The following CTSO variants were observed in gnomAD, a reference collection of about 807,000 sequenced individuals.
CTSO encodes cathepsin O.
Under a neutral mutation model 42.4 loss-of-function variants are expected in CTSO, and 40 were observed. The observed-to-expected ratio is 0.94, with a 90% CI of 0.73 to 1.23. The LOEUF (loss-of-function observed/expected upper bound fraction) is 1.23. Among genes scored for constraint, CTSO ranks in the 50% most tolerant of loss-of-function variants. The pLI, the probability that CTSO is intolerant of heterozygous loss-of-function variation, is 0.00. For missense variants in CTSO, 441 were observed against 396.0 expected, an observed-to-expected ratio of 1.11 and a Z score of -0.96; for synonymous variants, 156 against 146.2, an observed-to-expected ratio of 1.07 and a Z score of -0.48.
At chr4:155,926,349 A>G (rs1743128898) in intron 7 of CTSO, among the ~76,000 whole-genome samples, 1 of 152,236 alleles carries the variant, frequency 6.6e-6, no homozygotes. Flanking sequence ...AACTGAATAA[A>G]TGAATGCATC....
chr4:155,938,901 G>C (rs768627344), intron 4 of CTSO, among the ~76,000 whole-genome samples: 38 of 152,140 alleles, frequency 2.5e-4, no homozygotes, highest in African/African-American at 8.9e-4. Context: ...AGGTTGCAGT[G>C]AGCCAAGATT....
chr4:155,951,880 CA>C (rs1225784198), intron 1 of CTSO, among the ~76,000 whole-genome samples: 6 of 152,042 alleles, frequency 3.9e-5, no homozygotes, highest in Non-Finnish European at 7.4e-5. Context: ...ACTTTCATCC[CA>C]AATCCATCCA....
intron 4 of CTSO, among the ~76,000 whole-genome samples, chr4:155,938,959 A>AAAC (rs767626290): frequency 2.0e-5 from 3 of 152,020 alleles, no homozygotes; most frequent in East Asian, 1.9e-4. Flanking sequence ...TCTGTCTCAA[A>AAAC]AACAACAACA....
chr4:155,949,764 G>A (rs1743613293), intron 1 of CTSO, among the ~76,000 whole-genome samples: 2 of 152,214 alleles, frequency 1.3e-5, no homozygotes, highest in Admixed American at 1.3e-4. Flanking sequence ...TTTCTTGGAA[G>A]ACTTAGGAGT....
At chr4:155,940,392 G>C (rs572986114) in intron 3 of CTSO, among the ~76,000 whole-genome samples, 1 of 126,138 alleles carries the variant, frequency 7.9e-6, no homozygotes, top group African/African-American at 2.6e-5. Flanking sequence ...GGCAGAGTTA[G>C]ACCAAAAAAA....
rs2110905060 is a variant in CTSO at position 155,929,570 on chromosome 4, T to C, written c.810A>G (p.Ala270=). ...TTTTATCAAACCCAGTTATGAGAAC[T>C]GCATGATTTGCTTCTCCACTAGAGC... ...HHCSSGEANH[A]VLITGFDKTG... is the part of the protein sequence containing the mutation. Residue 270 remains alanine (A), a synonymous_variant, in exon 6 of 8, where the codon GCA becomes GCG. Transcript: ENST00000433477. The C allele has an allele frequency of 6.2e-7, 1 of 1,613,702 alleles. No individual in the cohort carries two copies. Among genetic ancestry groups the C allele is most frequent in the Non-Finnish European group, 8.5e-7 (1 of 1,179,896 alleles).
At chr4:155,953,630 T>A (rs1345293856) in intron 1 of CTSO, 83 bp downstream of exon 1, 1 of 1,226,576 alleles carries the variant, frequency 8.2e-7, no homozygotes, top group African/African-American at 1.6e-5. Context: ...GGGTCAGCTC[T>A]CGGGGGCCCT....
At chr4:155,927,504 T>A (rs968824036) in intron 7 of CTSO, among the ~76,000 whole-genome samples, 1 of 152,218 alleles carries the variant, frequency 6.6e-6, no homozygotes, top group Non-Finnish European at 1.5e-5. Flanking sequence ...GCGTGGTGGC[T>A]CACGCCTGTA....
At chr4:155,932,549 C>T (rs1743255024) in intron 5 of CTSO, among the ~76,000 whole-genome samples, 1 of 152,154 alleles carries the variant, frequency 6.6e-6, no homozygotes. Context: ...CAGTTCTTTC[C>T]CTGAGCCCTT....
chr4:155,943,140 C>A lies in CTSO; in HGVS notation c.244+16G>T. 6.9e-7 allele frequency: 1 copy of A among 1,452,160 alleles called. No individual in the cohort carries two copies. Among genetic ancestry groups the A allele is most frequent in the South Asian group, 1.2e-5 (1 of 81,534 alleles). 90.0% of individuals were successfully genotyped at this position (1,452,160 alleles called of 1,614,324 possible). A position where few individuals can be genotyped will look rare whatever the true frequency, so the allele number is the denominator to read the frequency against. ...TAAAATCAGGAAACCACCTAAATAG[C>A]AACATCGGACTATACCTTTAAACTC... On this transcript the variant is annotated intron_variant, in intron 2 of 7. Coordinates refer to ENST00000433477, the MANE Select transcript of CTSO (RefSeq NM_001334.3).
intron 7 of CTSO, among the ~76,000 whole-genome samples, chr4:155,927,532 G>A (rs1167296429): frequency 6.6e-6 from 1 of 152,194 alleles, no homozygotes; most frequent in Non-Finnish European, 1.5e-5. Context: ...CACTTTGGGA[G>A]GCCAAGGAGG....
intron 4 of CTSO, among the ~76,000 whole-genome samples, chr4:155,938,851 G>A (rs111920185): frequency 3.3e-4 from 50 of 152,204 alleles, no homozygotes; most frequent in African/African-American, 1.1e-3. Context: ...CAGCTACTCC[G>A]GAGGCTGAAG....
At chr4:155,939,203 G>T (rs973135875) in intron 4 of CTSO, among the ~76,000 whole-genome samples, 168 bp downstream of exon 4, 4 of 152,144 alleles carry the variant, frequency 2.6e-5, no homozygotes, top group African/African-American at 9.7e-5. Context: ...TTGCCTAGAA[G>T]TGATTCATTT....
chr4:155,943,253 A>G lies in CTSO; in HGVS notation c.147T>C (p.Asn49=). 6.2e-7 allele frequency: 1 copy of G among 1,601,150 alleles called. No individual in the cohort carries two copies. The highest frequency in any genetic ancestry group is 8.5e-7 in the Non-Finnish European group (1 of 1,169,610). ...REAAAFRESL[N]RHRYLNSLFP... is the part of the protein sequence containing the mutation. ...ATAAAGAATTCAAGTATCGATGTCT[A>G]TTAAGACTTTCCTAGAAGAAAAACA... Residue 49 remains asparagine (N), a synonymous_variant, in exon 2 of 8, where the codon AAT becomes AAC. Coordinates refer to ENST00000433477, the MANE Select transcript of CTSO (RefSeq NM_001334.3).
chr4:155,944,448 A>G (rs1743504500), intron 1 of CTSO, among the ~76,000 whole-genome samples: 1 of 152,226 alleles, frequency 6.6e-6, no homozygotes, highest in Non-Finnish European at 1.5e-5. Flanking sequence ...ATGGCAAATG[A>G]CAAATATAAG....
intron 1 of CTSO, among the ~76,000 whole-genome samples, chr4:155,950,519 G>A (rs1217570355): frequency 6.6e-6 from 1 of 152,104 alleles, no homozygotes; most frequent in Non-Finnish European, 1.5e-5. Context: ...AAAGTCTGCT[G>A]AACAACCTTA....
intron 1 of CTSO, among the ~76,000 whole-genome samples, chr4:155,948,339 T>A (rs540538880): frequency 1.3e-5 from 2 of 151,198 alleles, no homozygotes; most frequent in Non-Finnish European, 2.9e-5. Flanking sequence ...CTAGCAGCCA[T>A]CCTTCTAAGA....
intron 5 of CTSO, among the ~76,000 whole-genome samples, chr4:155,934,108 T>C (rs1272375230): frequency 1.3e-5 from 2 of 152,144 alleles, no homozygotes; most frequent in Non-Finnish European, 2.9e-5. Flanking sequence ...AGTGGTTTTG[T>C]GGGATAGGCC....
rs369308908 is a variant in CTSO at position 155,924,223 on chromosome 4, G to C, written c.*1813C>G. ...AGTTTGAAATTTTAGAAATCCTTTAGCACTTGAAAAAGAGTATTACAAATG... is the reference window on the plus strand; with the variant it reads ...AGTTTGAAATTTTAGAAATCCTTTACCACTTGAAAAAGAGTATTACAAATG... On this transcript the variant is annotated 3_prime_UTR_variant, in exon 8 of 8. Transcript: ENST00000433477. 1.4e-4 allele frequency: 22 copies of C among 152,230 alleles called. No individual in the cohort carries two copies. The East Asian group carries it at 3.7e-3, about 25-fold the overall frequency. 9.4% of individuals were successfully genotyped at this position (152,230 alleles called of 1,614,324 possible). A position where few individuals can be genotyped will look rare whatever the true frequency, so the allele number is the denominator to read the frequency against.
Sources: gnomAD v4.1 joint callset for allele counts (sites outside exome capture counted in the v4.1 genomes callset) on GRCh38, gnomAD v4.1.1 for gene constraint, MANE v1.5 for transcripts, NCBI Gene and HGNC (gene_info 2026-07-23, HGNC 2026-07-21) for gene names.